CPED1: variants seen among roughly 807,000 people sequenced by gnomAD.
CPED1 encodes cadherin like and PC-esterase domain containing 1, also known as cadherin-like and PC-esterase domain-containing protein 1.
Under a neutral mutation model 128.2 loss-of-function variants are expected in CPED1, and 114 were observed. The ratio of observed to expected loss-of-function variants is 0.89; its 90% CI spans 0.76 to 1.04. The LOEUF (loss-of-function observed/expected upper bound fraction) is 1.04. Ranked by LOEUF, CPED1 falls within the 50% of genes least tolerant of loss-of-function variation. CPED1 has a pLI of 0.00. For missense variants in CPED1, 1,211 were observed against 1,207.1 expected, an observed-to-expected ratio of 1.00 and a Z score of -0.05; for synonymous variants, 462 against 426.7, an observed-to-expected ratio of 1.08 and a Z score of -1.02.
chr7:120,999,596 G>A lies in CPED1; in HGVS notation c.249+9726G>A, dbSNP rs562241311. On this transcript the variant is annotated intron_variant, in intron 2 of 22. Transcript: ENST00000310396. The stretch of plus-strand genomic sequence containing the variant: ...TATTGTAACTGGATTGGAAGATGTA[G>A]ATTTTAAAATCTTGCTGATGGAATT... Among the ~76,000 whole-genome samples, 6 of 152,174 alleles carry A rather than the reference G, an allele frequency of 3.9e-5. No homozygotes were observed. In the South Asian group the frequency reaches 1.2e-3, roughly 32 times the overall value.
chr7:121,136,605 C>T (rs1795790575), intron 14 of CPED1, among the ~76,000 whole-genome samples: 2 of 152,116 alleles, frequency 1.3e-5, no homozygotes, highest in African/African-American at 2.4e-5. Context: ...TGATTTTCTT[C>T]ATTGTGGTCA....
chr7:121,149,662 G>A (rs1796107388), intron 16 of CPED1: 1 of 152,212 alleles, frequency 6.6e-6, no homozygotes, highest in Non-Finnish European at 1.5e-5. Flanking sequence ...TGTCTCTGCA[G>A]TATTCCCTCA....
chr7:121,247,409 C>A (rs1231700246), intron 18 of CPED1, among the ~76,000 whole-genome samples: 1 of 152,070 alleles, frequency 6.6e-6, no homozygotes, highest in Non-Finnish European at 1.5e-5. Flanking sequence ...AACAAGAGGG[C>A]CAGTGACATA....
chr7:121,022,955 T>C (rs966024563), intron 3 of CPED1, among the ~76,000 whole-genome samples: 5 of 152,076 alleles, frequency 3.3e-5, no homozygotes, highest in African/African-American at 1.2e-4. Context: ...AATTATTATC[T>C]TTCCTATCAT....
chr7:121,220,847 A>G (rs915257531), intron 16 of CPED1, among the ~76,000 whole-genome samples: 1 of 152,002 alleles, frequency 6.6e-6, no homozygotes, highest in Non-Finnish European at 1.5e-5. Flanking sequence ...GTTCACAATC[A>G]AGTATATATA....
chr7:121,216,556 T>G (rs534865114), intron 16 of CPED1, among the ~76,000 whole-genome samples: 2 of 152,110 alleles, frequency 1.3e-5, no homozygotes, highest in East Asian at 3.9e-4. Flanking sequence ...CCTTCCTCTC[T>G]GGTTTTAGAC....
At chr7:121,288,070 T>A (rs1792621582) in intron 22 of CPED1, among the ~76,000 whole-genome samples, 1 of 152,198 alleles carries the variant, frequency 6.6e-6, no homozygotes, top group Non-Finnish European at 1.5e-5. Flanking sequence ...TGTTTCATAA[T>A]ATTGAAACAT....
intron 16 of CPED1, among the ~76,000 whole-genome samples, chr7:121,228,959 A>G (rs1455961256): frequency 6.6e-6 from 1 of 152,008 alleles, no homozygotes; most frequent in African/African-American, 2.4e-5. Flanking sequence ...GTGAAAAGAT[A>G]GATAACAGAG....
intron 16 of CPED1, among the ~76,000 whole-genome samples, chr7:121,190,391 C>CAA (rs368606501): frequency 0.5 from 48,387 of 97,056 alleles, 12,391 homozygotes; most frequent in East Asian, 0.86. Context: ...GACTCTGTAT[C>CAA]AAAAAAAAAA....
At chr7:121,089,138 A>G in intron 5 of CPED1, among the ~76,000 whole-genome samples, 1 of 152,156 alleles carries the variant, frequency 6.6e-6, no homozygotes, top group African/African-American at 2.4e-5. Flanking sequence ...ACCTCAAGGC[A>G]AAATGGTTTA....
Position 121,199,399 on chromosome 7 carries a change from G to A in CPED1, c.2056-37315G>A, listed in dbSNP as rs150039973. 3.0e-3 allele frequency among the ~76,000 whole-genome samples: 459 copies of A among 151,910 alleles called. 8 individuals are homozygous for A. The highest frequency in any genetic ancestry group is 0.026 in the Admixed American group (392 of 15,252). The stretch of plus-strand genomic sequence containing the variant: ...TGCTATAGAAAAATACAAACATAGG[G>A]CTGAGCGCGGTGGCTCACACCTATA... On this transcript the variant is annotated intron_variant, in intron 16 of 22. Coordinates refer to ENST00000310396, the MANE Select transcript of CPED1 (RefSeq NM_024913.5).
rs1397022012 is a variant in CPED1, at chr7:121,266,460, T to A, written c.2531+13T>A. On this transcript the variant is annotated intron_variant, in intron 19 of 22. Coordinates refer to ENST00000310396, the MANE Select transcript of CPED1 (RefSeq NM_024913.5). Reference sequence around the variant, plus strand: ...ACCTCTTGCAAAGGTACAATGAAACTATAATGAAAGACACAAAACCCACAA... The same window carrying A: ...ACCTCTTGCAAAGGTACAATGAAACAATAATGAAAGACACAAAACCCACAA... The A allele has an allele frequency of 1.9e-6, 3 of 1,600,706 alleles. No individual in the cohort carries two copies. The highest frequency in any genetic ancestry group is 2.6e-6 in the Non-Finnish European group (3 of 1,168,358).
At chr7:121,127,883 T>C (rs1795547455) in intron 10 of CPED1, among the ~76,000 whole-genome samples, 2 of 152,184 alleles carry the variant, frequency 1.3e-5, no homozygotes, top group South Asian at 4.1e-4. Context: ...AATTTTTTCT[T>C]TCATCTTATA....
chr7:121,081,574 G>A (rs1794296236), intron 5 of CPED1, among the ~76,000 whole-genome samples: 1 of 152,108 alleles, frequency 6.6e-6, no homozygotes, highest in African/African-American at 2.4e-5. Context: ...TAACATCATA[G>A]GGTTAGAGCA....
intron 3 of CPED1, among the ~76,000 whole-genome samples, chr7:121,032,418 T>C (rs957299191): frequency 6.6e-6 from 1 of 152,028 alleles, no homozygotes; most frequent in African/African-American, 2.4e-5. Flanking sequence ...TTCTCCATCA[T>C]TCTCAGCAAA....
chr7:121,236,152 T>G (rs189170808), intron 16 of CPED1, among the ~76,000 whole-genome samples: 2 of 152,288 alleles, frequency 1.3e-5, no homozygotes, highest in Admixed American at 6.5e-5. Context: ...ATCGTTCTGT[T>G]CTACATCTGT....
chr7:121,114,468 T>G (rs1187447776), intron 7 of CPED1, among the ~76,000 whole-genome samples: 1 of 152,228 alleles, frequency 6.6e-6, no homozygotes, highest in Non-Finnish European at 1.5e-5. Flanking sequence ...CAGACTTGCT[T>G]CTGTAAAAGC....
intron 16 of CPED1, among the ~76,000 whole-genome samples, chr7:121,223,406 G>A (rs1451911834): frequency 6.6e-6 from 1 of 152,090 alleles, no homozygotes; most frequent in Non-Finnish European, 1.5e-5. Context: ...ATGGATATTG[G>A]TCTACAATTC....
intron 2 of CPED1, among the ~76,000 whole-genome samples, chr7:120,997,927 A>AAAAAT (rs139357762): frequency 0.038 from 4,924 of 130,774 alleles, 125 homozygotes; most frequent in African/African-American, 0.048. Context: ...GGTCTCGAAA[A>AAAAAT]AAAATAAAAT....
Sources: gnomAD v4.1 joint callset for allele counts (sites outside exome capture counted in the v4.1 genomes callset) on GRCh38, gnomAD v4.1.1 for gene constraint, MANE v1.5 for transcripts, NCBI Gene and HGNC (gene_info 2026-07-23, HGNC 2026-07-21) for gene names.